Variants in NR3C2 observed in about 807,000 individuals in gnomAD.
NR3C2 encodes mineralocorticoid receptor.
A neutral mutation model predicts 86.4 loss-of-function variants in NR3C2; 15 were observed. The observed-to-expected ratio is 0.17, with a 90% confidence interval of 0.12 to 0.27. The LOEUF (loss-of-function observed/expected upper bound fraction) is 0.27. Among genes scored for constraint, NR3C2 ranks in the 10% least tolerant of loss-of-function variants. The pLI is 1.00. For missense variants in NR3C2, 960 were observed against 1,195.6 expected, an observed-to-expected ratio of 0.80 and a Z score of 2.91; for synonymous variants, 458 against 450.5, an observed-to-expected ratio of 1.02 and a Z score of -0.21.
intron 2 of NR3C2, among the ~76,000 whole-genome samples, chr4:148,289,112 A>C (rs1741674509): frequency 6.6e-6 from 1 of 152,110 alleles, no homozygotes. Flanking sequence ...AACCAAGGAA[A>C]ATTTTAAAAT....
intron 2 of NR3C2, among the ~76,000 whole-genome samples, chr4:148,427,674 T>A (rs1749614641): frequency 1.3e-5 from 2 of 151,916 alleles, no homozygotes; most frequent in African/African-American, 4.8e-5. Context: ...GAATGTGGCA[T>A]TAGACTGTAA....
chr4:148,146,002 G>A (rs1293439210), intron 6 of NR3C2, among the ~76,000 whole-genome samples: 1 of 151,934 alleles, frequency 6.6e-6, no homozygotes, highest in Non-Finnish European at 1.5e-5. Context: ...GGGAGGAGGG[G>A]CAGACACTGG....
intron 3 of NR3C2, among the ~76,000 whole-genome samples, chr4:148,196,480 G>C (rs1486115079): frequency 6.6e-6 from 1 of 152,138 alleles, no homozygotes; most frequent in Non-Finnish European, 1.5e-5. Context: ...GAAGCCTGAA[G>C]AGTCATGGGT....
chr4:148,390,565 G>A (rs747431288), intron 2 of NR3C2, among the ~76,000 whole-genome samples: 1 of 152,168 alleles, frequency 6.6e-6, no homozygotes, highest in Non-Finnish European at 1.5e-5. Context: ...CGGGCACTGT[G>A]TGAATGAAAA....
intron 2 of NR3C2, among the ~76,000 whole-genome samples, chr4:148,271,522 C>T (rs987391426): frequency 6.6e-5 from 10 of 152,072 alleles, no homozygotes; most frequent in Admixed American, 3.9e-4. Context: ...TGTGGCCACA[C>T]GAAAGTACAT....
At chr4:148,445,138 T>G (rs1164834528), upstream of NR3C2, among the ~76,000 whole-genome samples, 1 of 151,808 alleles carries the variant, frequency 6.6e-6, no homozygotes, top group African/African-American at 2.4e-5. Flanking sequence ...AAAGGAAAAC[T>G]GAGCCCAAAT....
intron 8 of NR3C2, among the ~76,000 whole-genome samples, chr4:148,091,457 C>T (rs553942487): frequency 3.4e-4 from 52 of 152,322 alleles, no homozygotes; most frequent in South Asian, 2.7e-3. Flanking sequence ...AAAATCCAGG[C>T]GCGTGAAGTT....
At chr4:148,216,649 T>C (rs1737553605) in intron 3 of NR3C2, among the ~76,000 whole-genome samples, 2 of 152,226 alleles carry the variant, frequency 1.3e-5, no homozygotes, top group Non-Finnish European at 2.9e-5. Flanking sequence ...ATTTATTAAA[T>C]CAGACATGGT....
At chr4:148,285,858 A>C (rs1741495891) in intron 2 of NR3C2, among the ~76,000 whole-genome samples, 1 of 152,248 alleles carries the variant, frequency 6.6e-6, no homozygotes, top group South Asian at 2.1e-4. Context: ...TTTCTTGCAT[A>C]ATTCCTATCA....
intron 2 of NR3C2, among the ~76,000 whole-genome samples, chr4:148,304,884 T>C (rs1742532452): frequency 6.7e-6 from 1 of 150,102 alleles, no homozygotes; most frequent in Admixed American, 6.6e-5. Flanking sequence ...TGGGAGCCTG[T>C]TGGCAGGACC....
chr4:148,429,684 C>T (rs912225600), intron 2 of NR3C2, among the ~76,000 whole-genome samples: 1 of 152,166 alleles, frequency 6.6e-6, no homozygotes, highest in Non-Finnish European at 1.5e-5. Context: ...CTATACTTCA[C>T]AAGTTTAAAA....
At chr4:148,372,308 T>C (rs1746459382) in intron 2 of NR3C2, among the ~76,000 whole-genome samples, 1 of 152,176 alleles carries the variant, frequency 6.6e-6, no homozygotes, top group African/African-American at 2.4e-5. Context: ...GAATTCTAGA[T>C]ACTATACTCT....
chr4:148,116,268 G>T (rs1007077711), intron 7 of NR3C2, among the ~76,000 whole-genome samples: 3 of 152,126 alleles, frequency 2.0e-5, no homozygotes, highest in African/African-American at 7.2e-5. Flanking sequence ...ACAACAACTT[G>T]TCAAACAGTA....
chr4:148,358,421 T>C (rs1051071471), intron 2 of NR3C2, among the ~76,000 whole-genome samples: 117 of 132,734 alleles, frequency 8.8e-4, no homozygotes, highest in Non-Finnish European at 1.6e-3. Flanking sequence ...AATTGAACAA[T>C]GAGATCACAT....
chr4:148,240,996 C>T (rs930599316), intron 3 of NR3C2, among the ~76,000 whole-genome samples: 1 of 151,928 alleles, frequency 6.6e-6, no homozygotes, highest in African/African-American at 2.4e-5. Context: ...GGCTTGCTTC[C>T]CAACGCCTTT....
intron 2 of NR3C2, among the ~76,000 whole-genome samples, chr4:148,314,802 T>G (rs1743082179): frequency 6.6e-6 from 1 of 152,188 alleles, no homozygotes; most frequent in South Asian, 2.1e-4. Context: ...ATTCTACATC[T>G]ATTTCTGATA....
intron 2 of NR3C2, among the ~76,000 whole-genome samples, chr4:148,339,678 AG>A: frequency 6.6e-6 from 1 of 152,316 alleles, no homozygotes; most frequent in East Asian, 1.9e-4. Flanking sequence ...AGGAAAAAAA[AG>A]TCCTTTCACT....
intron 8 of NR3C2, among the ~76,000 whole-genome samples, chr4:148,085,645 G>C (rs1730779076): frequency 6.6e-6 from 1 of 152,106 alleles, no homozygotes; most frequent in African/African-American, 2.4e-5. Flanking sequence ...GATCAGAGCA[G>C]AACTGAAGGA....
At chr4:148,089,219 T>C (rs1351386271) in intron 8 of NR3C2, among the ~76,000 whole-genome samples, 2 of 152,158 alleles carry the variant, frequency 1.3e-5, no homozygotes, top group East Asian at 3.8e-4. Flanking sequence ...CCTGTGTCAC[T>C]GCCCTCAGTC....
Sources: gnomAD v4.1 joint callset for allele counts (sites outside exome capture counted in the v4.1 genomes callset) on GRCh38, gnomAD v4.1.1 for gene constraint, MANE v1.5 for transcripts, NCBI Gene and HGNC (gene_info 2026-07-23, HGNC 2026-07-21) for gene names.